The following RASA2 variants were observed in gnomAD, a reference collection of about 807,000 sequenced individuals.
The protein encoded by RASA2 is RAS p21 protein activator 2, also known as ras GTPase-activating protein 2.
Under a neutral mutation model 118.2 loss-of-function variants are expected in RASA2, and 155 were observed. That is an observed-to-expected ratio of 1.31 (90% CI 1.15 to 1.50). The LOEUF (loss-of-function observed/expected upper bound fraction) is 1.50, where lower values mean the gene tolerates loss of function less well. Among genes scored for constraint, RASA2 ranks in the 40% most tolerant of loss-of-function variants. RASA2 has a pLI of 0.00. For missense variants in RASA2, 1,016 were observed against 1,009.6 expected, an observed-to-expected ratio of 1.01 and a Z score of -0.09; for synonymous variants, 353 against 349.1, an observed-to-expected ratio of 1.01 and a Z score of -0.12.
chr3:141,507,856 A>G (rs1188141183), intron 1 of RASA2, among the ~76,000 whole-genome samples: 2 of 152,228 alleles, frequency 1.3e-5, no homozygotes, highest in Non-Finnish European at 2.9e-5. Flanking sequence ...AATCACATTT[A>G]CAACTGTAGC....
chr3:141,527,517 AT>A (rs2082201611), intron 3 of RASA2, among the ~76,000 whole-genome samples: 1 of 152,022 alleles, frequency 6.6e-6, no homozygotes, highest in African/African-American at 2.4e-5. Context: ...GTACATATAT[AT>A]TTTTTGAGTA....
In RASA2 at chr3:141,546,345, A is replaced by G. The variant is rs972958137; in HGVS notation, c.527+5736A>G. Among the ~76,000 whole-genome samples, 6 of 152,244 alleles carry G rather than the reference A, an allele frequency of 3.9e-5. No individual in the cohort carries two copies. The East Asian group carries it at 7.7e-4, about 20-fold the overall frequency. On this transcript the variant is annotated intron_variant, in intron 5 of 23. Coordinates refer to ENST00000286364, the MANE Select transcript of RASA2 (RefSeq NM_006506.5). ...TTCCCTTTTCTCCATATCCTCACCA[A>G]TATTTGTTACGCATGTCTTTTGGAT...
At chr3:141,497,218 T>C (rs1486250950) in intron 1 of RASA2, among the ~76,000 whole-genome samples, 2 of 150,418 alleles carry the variant, frequency 1.3e-5, no homozygotes, top group African/African-American at 2.4e-5. Flanking sequence ...ATATACCTAA[T>C]GTAAATGACG....
intron 19 of RASA2, among the ~76,000 whole-genome samples, chr3:141,605,196 C>T (rs2083528233): frequency 6.6e-6 from 1 of 152,064 alleles, no homozygotes; most frequent in Non-Finnish European, 1.5e-5. Context: ...TGGTGGATAA[C>T]TTTCTATTTG....
chr3:141,585,036 G>T (rs992589483), intron 17 of RASA2, among the ~76,000 whole-genome samples: 1 of 152,110 alleles, frequency 6.6e-6, no homozygotes, highest in East Asian at 1.9e-4. Context: ...GATTAAGGAT[G>T]TTCAACCTGT....
chr3:141,571,772 C>G (rs889618332), intron 11 of RASA2, among the ~76,000 whole-genome samples: 2 of 152,050 alleles, frequency 1.3e-5, no homozygotes, highest in African/African-American at 4.8e-5. Context: ...TTTTCTTTAA[C>G]TCAGGAAATT....
At position 141,608,507 on chromosome 3, in the gene RASA2, A is replaced by G. The variant is rs778713518; in HGVS notation, c.2035A>G (p.Thr679Ala). The G allele has an allele frequency of 3.1e-6, 5 of 1,613,826 alleles. No individual in the cohort carries two copies. Among genetic ancestry groups the G allele is most frequent in the Middle Eastern group, 1.6e-4 (1 of 6,062 alleles). The change falls in exon 21 of 24, where the codon ACG becomes GCG. Residue 679 changes from threonine (T) to alanine (A), a missense_variant. Thr to Ala is a moderately conservative substitution (Grantham distance 58). This residue lies in a region of RASA2 where 896 missense variants were observed against 836.4 expected (regional missense o/e 1.07). Coordinates refer to ENST00000286364, the MANE Select transcript of RASA2 (RefSeq NM_006506.5). ...TATGAAGATGTTCCAAGTAATACAT[A>G]CGGAGAAACCACTCTATGTCCAGGC... ...NKKNMFQVIHTEKPLYVQANN... is the reference protein window; with the variant it reads ...NKKNMFQVIHAEKPLYVQANN...
At chr3:141,516,214 A>ATC in intron 2 of RASA2, 114 bp from the exon 3 acceptor site, 1 of 684,510 alleles carries the variant, frequency 1.5e-6, no homozygotes, top group South Asian at 4.3e-5. Flanking sequence ...ATATATATAT[A>ATC]TTAAAAAAAG....
chr3:141,521,315 AT>A (rs1560005582), intron 3 of RASA2, among the ~76,000 whole-genome samples: 1 of 152,158 alleles, frequency 6.6e-6, no homozygotes, highest in Non-Finnish European at 1.5e-5. Flanking sequence ...AGAAAGAAAG[AT>A]GGGAGAGATT....
chr3:141,487,262 C>T, intron 1 of RASA2, 46 bp downstream of exon 1: 1 of 1,257,230 alleles, frequency 8.0e-7, no homozygotes, highest in South Asian at 2.9e-5. Flanking sequence ...GCGCTGGGCG[C>T]GAGGCTGAGG....
chr3:141,533,958 T>TA (rs1302407235), intron 4 of RASA2, among the ~76,000 whole-genome samples: 1 of 152,222 alleles, frequency 6.6e-6, no homozygotes, highest in East Asian at 1.9e-4. Context: ...CAGCTTTTGA[T>TA]ACTGGTGACC....
At chr3:141,584,250 G>A (rs1483482038) in intron 17 of RASA2, among the ~76,000 whole-genome samples, 1 of 140,394 alleles carries the variant, frequency 7.1e-6, no homozygotes, top group Non-Finnish European at 1.5e-5. Context: ...AGAATCACTT[G>A]AACCTGAGAG....
At chr3:141,603,175 C>T (rs1489268639) in intron 19 of RASA2, among the ~76,000 whole-genome samples, 1 of 152,144 alleles carries the variant, frequency 6.6e-6, no homozygotes, top group African/African-American at 2.4e-5. Context: ...TCTTTCTTAA[C>T]ACTATTATCA....
chr3:141,597,126 CG>C, intron 19 of RASA2, among the ~76,000 whole-genome samples: 1 of 152,114 alleles, frequency 6.6e-6, no homozygotes, highest in East Asian at 1.9e-4. Flanking sequence ...ACAGGCTGGG[CG>C]TGGTGGCTCA....
At chr3:141,524,748 G>C (rs546591228) in intron 3 of RASA2, among the ~76,000 whole-genome samples, 3 of 151,866 alleles carry the variant, frequency 2.0e-5, no homozygotes, top group African/African-American at 7.3e-5. Flanking sequence ...ACACTGCCAC[G>C]CTCGGCTAAT....
chr3:141,529,875 T>G, intron 4 of RASA2, 73 bp downstream of exon 4: 1 of 1,173,022 alleles, frequency 8.5e-7, no homozygotes, highest in Non-Finnish European at 1.2e-6. Context: ...ATTAAACTGG[T>G]TCATGTAAAT....
chr3:141,529,887 G>T, intron 4 of RASA2, 85 bp downstream of exon 4: 1 of 1,045,412 alleles, frequency 9.6e-7, no homozygotes, highest in South Asian at 1.4e-5. Flanking sequence ...CATGTAAATA[G>T]AGCATATTAT....
At chr3:141,583,200 G>C (rs928702540) in intron 17 of RASA2, among the ~76,000 whole-genome samples, 2 of 152,144 alleles carry the variant, frequency 1.3e-5, no homozygotes, top group Non-Finnish European at 1.5e-5. Flanking sequence ...GAAGCGGGCA[G>C]ATCACCTGAG....
At chr3:141,546,644 C>G (rs553737351) in intron 5 of RASA2, among the ~76,000 whole-genome samples, 8 of 152,174 alleles carry the variant, frequency 5.3e-5, no homozygotes, top group Non-Finnish European at 1.2e-4. Context: ...TGGGTTGTCT[C>G]TTCACTTTGT....
Sources: allele counts gnomAD v4.1 joint callset (sites outside exome capture counted in the v4.1 genomes callset), GRCh38; gene constraint gnomAD v4.1.1; regional missense constraint gnomAD v4.1.1; transcripts MANE v1.5; gene names NCBI Gene and HGNC (gene_info 2026-07-23, HGNC 2026-07-21).